TOX: variants seen among roughly 807,000 people sequenced by gnomAD.
TOX encodes thymocyte selection-associated high mobility group box protein TOX.
Under a neutral mutation model 53.7 loss-of-function variants are expected in TOX, and 11 were observed. The observed-to-expected ratio is 0.20, with a 90% CI of 0.13 to 0.34. The LOEUF (loss-of-function observed/expected upper bound fraction) is 0.34. Among genes scored for constraint, TOX ranks in the 10% least tolerant of loss-of-function variants. TOX has a pLI of 1.00. For synonymous variants in TOX, 225 were observed against 245.3 expected, an observed-to-expected ratio of 0.92 and a Z score of 0.77; for missense variants, 570 against 664.6, an observed-to-expected ratio of 0.86 and a Z score of 1.56.
chr8:58,949,608 T>G (rs1313371493), intron 2 of TOX, among the ~76,000 whole-genome samples: 2 of 152,120 alleles, frequency 1.3e-5, no homozygotes, highest in Non-Finnish European at 2.9e-5. Flanking sequence ...CCAAAAAAAA[T>G]TAAATAGATA....
intron 3 of TOX, among the ~76,000 whole-genome samples, chr8:58,900,222 T>C (rs560384951): frequency 3.3e-5 from 5 of 152,296 alleles, no homozygotes; most frequent in African/African-American, 1.2e-4. Flanking sequence ...ATAACTATTT[T>C]TTTCAACCAC....
intron 1 of TOX, among the ~76,000 whole-genome samples, chr8:59,040,979 C>A (rs1803578200): frequency 6.6e-6 from 1 of 152,068 alleles, no homozygotes; most frequent in Non-Finnish European, 1.5e-5. Context: ...TAAGCTTTAG[C>A]ATCAGTTGGG....
At chr8:58,832,013 G>C (rs1327452699) in intron 5 of TOX, among the ~76,000 whole-genome samples, 1 of 151,600 alleles carries the variant, frequency 6.6e-6, no homozygotes, top group Non-Finnish European at 1.5e-5. Flanking sequence ...TGCTTCCATG[G>C]TCTCTGAGCG....
intron 3 of TOX, among the ~76,000 whole-genome samples, chr8:58,887,538 C>T (rs1196560000): frequency 6.6e-6 from 1 of 151,832 alleles, no homozygotes; most frequent in Non-Finnish European, 1.5e-5. Context: ...AACTTATTTA[C>T]AAGGAATTGA....
chr8:59,013,570 C>G (rs1813953441), intron 1 of TOX, among the ~76,000 whole-genome samples: 1 of 152,104 alleles, frequency 6.6e-6, no homozygotes, highest in Admixed American at 6.5e-5. Flanking sequence ...GCCACCATGC[C>G]CAGCTTATTT....
Position 58,806,079 on chromosome 8 carries a change from C to CT in TOX, c.*1667dup, listed in dbSNP as rs1563357550. 6.6e-6 allele frequency: 1 copy of CT among 152,222 alleles called. No homozygotes were observed. The highest frequency in any genetic ancestry group is 2.1e-4 in the South Asian group (1 of 4,828). 9.4% of individuals were successfully genotyped at this position (152,222 alleles called of 1,614,324 possible). A position where few individuals can be genotyped will look rare whatever the true frequency, so the allele number is the denominator to read the frequency against. On this transcript the variant is annotated 3_prime_UTR_variant, in exon 9 of 9. Transcript: ENST00000361421. ...AAAGGAGTAAATCTGCTAGCTTTTT[C>CT]TTTTTTTAATGTGAAAGCTATGCAA...
intron 7 of TOX, among the ~76,000 whole-genome samples, chr8:58,811,910 A>G (rs1191722138): frequency 6.6e-6 from 1 of 152,246 alleles, no homozygotes; most frequent in African/African-American, 2.4e-5. Context: ...TTTGTAGGAT[A>G]CATTCATTTT....
At chr8:58,939,250 G>T in intron 3 of TOX, 52 bp downstream of exon 3, 1 of 1,601,670 alleles carries the variant, frequency 6.2e-7, no homozygotes, top group Non-Finnish European at 8.5e-7. Flanking sequence ...CTTGGTCCTT[G>T]TCCTTATGGT....
chr8:58,901,825 A>G lies in TOX; in HGVS notation c.411+37477T>C, dbSNP rs1039812050. 1.8e-4 allele frequency among the ~76,000 whole-genome samples: 28 copies of G among 152,182 alleles called. 1 individual carries two copies. Among genetic ancestry groups the G allele is most frequent in the Non-Finnish European group, 2.9e-5 (2 of 68,026 alleles). ...CATACAAGTTGAAATGTAAAAATAC[A>G]ATAGAGAGAATACACTGCAAGCTTT... On this transcript the variant is annotated intron_variant, in intron 3 of 8. Coordinates refer to ENST00000361421, the MANE Select transcript of TOX (RefSeq NM_014729.3).
intron 1 of TOX, among the ~76,000 whole-genome samples, chr8:58,970,067 T>A (rs1044121154): frequency 6.6e-6 from 1 of 152,200 alleles, no homozygotes; most frequent in East Asian, 1.9e-4. Context: ...AAATGTGATA[T>A]CATTCATTCA....
intron 6 of TOX, among the ~76,000 whole-genome samples, chr8:58,816,882 G>T (rs929336454): frequency 2.0e-5 from 3 of 152,094 alleles, no homozygotes; most frequent in African/African-American, 4.8e-5. Context: ...TGAAACTCAG[G>T]CCGGGTAGCT....
intron 1 of TOX, among the ~76,000 whole-genome samples, chr8:58,963,318 G>T (rs201094942): frequency 0.19 from 14,026 of 72,168 alleles, 813 homozygotes; most frequent in Admixed American, 0.33. Flanking sequence ...TATATATATA[G>T]ATAGATAGAT....
intron 1 of TOX, among the ~76,000 whole-genome samples, chr8:59,094,995 A>G (rs755835303): frequency 8.5e-5 from 13 of 152,224 alleles, no homozygotes; most frequent in Non-Finnish European, 1.8e-4. Flanking sequence ...ATAGTATTGG[A>G]TGCTGTTATT....
chr8:59,086,326 G>A (rs1394381334), intron 1 of TOX, among the ~76,000 whole-genome samples: 5 of 152,096 alleles, frequency 3.3e-5, no homozygotes, highest in African/African-American at 9.7e-5. Context: ...CTCTTGGGGT[G>A]TGAAGAGACA....
chr8:59,099,509 G>A (rs1448419329), intron 1 of TOX, among the ~76,000 whole-genome samples: 1 of 151,906 alleles, frequency 6.6e-6, no homozygotes, highest in Non-Finnish European at 1.5e-5. Flanking sequence ...TTTAAGCACT[G>A]TGAAAAAAAC....
At position 59,050,355 on chromosome 8, in the gene TOX, T is replaced by C. The variant is rs1014078876; in HGVS notation, c.102+68531A>G. ...GTTGTTAGAATAGCATTTGTGAAAG[T>C]GCTGCATGAACCACACATGACTACT... On this transcript the variant is annotated intron_variant, in intron 1 of 8. Coordinates refer to ENST00000361421, the MANE Select transcript of TOX (RefSeq NM_014729.3). 8.5e-5 allele frequency among the ~76,000 whole-genome samples: 13 copies of C among 152,234 alleles called. No homozygotes were observed. In the East Asian group the frequency reaches 2.5e-3, roughly 29 times the overall value.
intron 3 of TOX, among the ~76,000 whole-genome samples, chr8:58,860,747 G>A (rs1810997565): frequency 6.6e-6 from 1 of 152,190 alleles, no homozygotes; most frequent in Non-Finnish European, 1.5e-5. Context: ...AAAGTCAACA[G>A]CACAGATAAA....
intron 1 of TOX, among the ~76,000 whole-genome samples, chr8:59,094,345 A>G (rs1314067934): frequency 6.6e-6 from 1 of 152,048 alleles, no homozygotes; most frequent in Non-Finnish European, 1.5e-5. Flanking sequence ...ATATTAAATT[A>G]GCATATAGTG....
chr8:58,839,627 A>G (rs959940173), intron 4 of TOX, among the ~76,000 whole-genome samples: 1 of 152,256 alleles, frequency 6.6e-6, no homozygotes, highest in Non-Finnish European at 1.5e-5. Context: ...ATGAGTCTAC[A>G]TGAATACAAA....
Sources: allele counts gnomAD v4.1 joint callset (sites outside exome capture counted in the v4.1 genomes callset), GRCh38; gene constraint gnomAD v4.1.1; transcripts MANE v1.5; gene names NCBI Gene and HGNC (gene_info 2026-07-23, HGNC 2026-07-21).